ANKFN1: variants seen among roughly 807,000 people sequenced by gnomAD.
ANKFN1 encodes the protein ankyrin repeat and fibronectin type-III domain-containing protein 1.
A neutral mutation model predicts 108.7 loss-of-function variants in ANKFN1; 74 were observed. That is an observed-to-expected ratio of 0.68 (90% CI 0.56 to 0.83). The LOEUF is 0.83. Ranked by LOEUF, ANKFN1 falls within the 40% of genes least tolerant of loss-of-function variation. The pLI, the probability that ANKFN1 is intolerant of heterozygous loss-of-function variation, is 0.00. For missense variants in ANKFN1, 1,505 were observed against 1,382.3 expected (o/e 1.09, Z -1.41); for synonymous variants, 547 against 516.2 (o/e 1.06, Z -0.81).
intron 17 of ANKFN1, among the ~76,000 whole-genome samples, chr17:56,481,512 G>GCACA (rs987479049): frequency 2.0e-5 from 2 of 101,010 alleles, no homozygotes; most frequent in African/African-American, 5.6e-5. Context: ...ACACACACAC[G>GCACA]CACACACACA....
At chr17:56,144,184 A>ACTAC (rs1405007617) in intron 4 of ANKFN1, among the ~76,000 whole-genome samples, 4 of 78,278 alleles carry the variant, frequency 5.1e-5, no homozygotes, top group African/African-American at 2.2e-4. Context: ...AAAAAAAAAA[A>ACTAC]ACAGCCCAAA....
chr17:56,109,182 AG>A (rs1427696765), intron 4 of ANKFN1, among the ~76,000 whole-genome samples: 1 of 152,236 alleles, frequency 6.6e-6, no homozygotes, highest in Non-Finnish European at 1.5e-5. Flanking sequence ...CTTATGTCAG[AG>A]TAACAGGCAT....
chr17:56,087,410 G>A (rs1402376980), intron 4 of ANKFN1, among the ~76,000 whole-genome samples: 1 of 151,346 alleles, frequency 6.6e-6, no homozygotes, highest in Non-Finnish European at 1.5e-5. Context: ...CTTTCAGAGA[G>A]ACTGTGGTTT....
intron 4 of ANKFN1, among the ~76,000 whole-genome samples, chr17:56,095,001 G>A (rs917323194): frequency 1.3e-5 from 2 of 151,030 alleles, no homozygotes; most frequent in African/African-American, 2.4e-5. Context: ...GGGTTAAATT[G>A]TGCTCCAAGT....
At chr17:56,336,771 T>G (rs148867383) in intron 4 of ANKFN1, among the ~76,000 whole-genome samples, 130 of 152,230 alleles carry the variant, frequency 8.5e-4, no homozygotes, top group Middle Eastern at 3.4e-3. Flanking sequence ...GCTTTTGAAT[T>G]TGTTTGCTCT....
chr17:56,399,053 T>A (rs1005471626), intron 8 of ANKFN1, among the ~76,000 whole-genome samples: 1 of 152,120 alleles, frequency 6.6e-6, no homozygotes, highest in African/African-American at 2.4e-5. Context: ...TGATGTCACA[T>A]ACCAGTGAGG....
chr17:56,335,309 C>G (rs2045776751), intron 4 of ANKFN1, among the ~76,000 whole-genome samples: 1 of 152,102 alleles, frequency 6.6e-6, no homozygotes, highest in African/African-American at 2.4e-5. Flanking sequence ...TTACCTTGGG[C>G]AGTATGGCCA....
intron 4 of ANKFN1, among the ~76,000 whole-genome samples, chr17:56,101,308 A>G (rs892437004): frequency 6.6e-6 from 1 of 152,202 alleles, no homozygotes; most frequent in Non-Finnish European, 1.5e-5. Context: ...CTTCTTTACC[A>G]TATAGGAAAC....
intron 4 of ANKFN1, among the ~76,000 whole-genome samples, chr17:56,097,252 A>G (rs1567786149): frequency 6.6e-6 from 1 of 150,632 alleles, no homozygotes; most frequent in Non-Finnish European, 1.5e-5. Context: ...AGTTAAAGGG[A>G]CAATATAGGC....
rs186766010 is a variant in ANKFN1, at chr17:56,398,182, A to G, written c.910+23468A>G. Among the ~76,000 whole-genome samples, 10 of 152,262 alleles carry G rather than the reference A, an allele frequency of 6.6e-5. No individual in the cohort carries two copies. In the East Asian group the frequency reaches 1.9e-3, roughly 29 times the overall value. The stretch of plus-strand genomic sequence containing the variant: ...TGAGAGCAGAGACTATGCCTATTTA[A>G]TTCACCGTTACAAACCCAATGAGTA... On this transcript the variant is annotated intron_variant, in intron 8 of 20. Coordinates refer to ENST00000682825, the MANE Select transcript of ANKFN1 (RefSeq NM_001370326.1).
chr17:56,318,622 C>T (rs1485062274), intron 3 of ANKFN1, among the ~76,000 whole-genome samples: 3 of 152,046 alleles, frequency 2.0e-5, no homozygotes, highest in African/African-American at 4.8e-5. Flanking sequence ...ATAAATACTA[C>T]AAGGAGAGAG....
intron 4 of ANKFN1, among the ~76,000 whole-genome samples, chr17:56,047,124 G>A (rs1045544034): frequency 8.5e-5 from 13 of 152,178 alleles, no homozygotes; most frequent in African/African-American, 3.1e-4. Context: ...ATAAGACAGT[G>A]CTGTATACCT....
At chr17:56,312,757 A>G (rs1186399249) in intron 3 of ANKFN1, among the ~76,000 whole-genome samples, 3 of 152,262 alleles carry the variant, frequency 2.0e-5, no homozygotes, top group Non-Finnish European at 2.9e-5. Context: ...TATAGTGAAT[A>G]AGGGATGGAT....
At position 56,383,374 on chromosome 17, in the gene ANKFN1, G is replaced by A. The variant is rs1483735656; in HGVS notation, c.910+8660G>A. Among the ~76,000 whole-genome samples the A allele has an allele frequency of 2.0e-5, 3 of 152,202 alleles. No individual in the cohort carries two copies. In the East Asian group the frequency reaches 5.8e-4, roughly 29 times the overall value. On this transcript the variant is annotated intron_variant, in intron 8 of 20. Coordinates refer to ENST00000682825, the MANE Select transcript of ANKFN1 (RefSeq NM_001370326.1). ...TAGCACTAAATGCCCCCAAGAGAAAGCAGGAAAGATCCAAAATTGACACGC... is the reference window on the plus strand; with the variant it reads ...TAGCACTAAATGCCCCCAAGAGAAAACAGGAAAGATCCAAAATTGACACGC...
chr17:56,419,432 G>A (rs1432049643), intron 8 of ANKFN1, among the ~76,000 whole-genome samples: 1 of 150,498 alleles, frequency 6.6e-6, no homozygotes, highest in Non-Finnish European at 1.5e-5. Flanking sequence ...GCAGTGAGCC[G>A]AGATCCCGCC....
At chr17:56,337,179 G>A (rs1598424440) in intron 4 of ANKFN1, among the ~76,000 whole-genome samples, 1 of 152,262 alleles carries the variant, frequency 6.6e-6, no homozygotes, top group East Asian at 1.9e-4. Context: ...GTGGTGCTGA[G>A]AAGAATGTAT....
At chr17:56,186,475 A>G (rs1268269458) in intron 1 of ANKFN1, among the ~76,000 whole-genome samples, 2 of 152,244 alleles carry the variant, frequency 1.3e-5, no homozygotes, top group African/African-American at 4.8e-5. Flanking sequence ...CTAAGAATTG[A>G]TCAGTCAGTG....
chr17:56,296,449 C>T (rs530796321), intron 3 of ANKFN1, among the ~76,000 whole-genome samples: 289 of 152,090 alleles, frequency 1.9e-3, no homozygotes, highest in Non-Finnish European at 3.4e-3. Context: ...TTTGGGAGGC[C>T]GAGGCAGGCA....
At chr17:56,387,092 T>C (rs964577480) in intron 8 of ANKFN1, among the ~76,000 whole-genome samples, 1 of 152,242 alleles carries the variant, frequency 6.6e-6, no homozygotes, top group Non-Finnish European at 1.5e-5. Context: ...TTTGTTGGTT[T>C]GTTTGAAGAG....
Sources: allele counts gnomAD v4.1 joint callset (sites outside exome capture counted in the v4.1 genomes callset), GRCh38; gene constraint gnomAD v4.1.1; transcripts MANE v1.5; gene names NCBI Gene and HGNC (gene_info 2026-07-23, HGNC 2026-07-21).